MID1: variants seen among roughly 807,000 people sequenced by gnomAD.
The protein encoded by MID1 is midline 1.
Under a neutral mutation model 40.4 loss-of-function variants are expected in MID1, and 7 were observed. That is an observed-to-expected ratio of 0.17 (90% CI 0.10 to 0.33). The LOEUF (loss-of-function observed/expected upper bound fraction) is 0.33, where lower values mean the gene tolerates loss of function less well. Ranked by LOEUF, MID1 falls within the 10% of genes least tolerant of loss-of-function variation. The pLI is 1.00. For synonymous variants in MID1, 229 were observed against 221.2 expected (o/e 1.04, Z -0.31); for missense variants, 367 against 558.5 (o/e 0.66, Z 3.46).
chrX:10,826,206 C>T (rs1267935460), intron 1 of MID1, among the ~76,000 whole-genome samples: 2 of 111,217 alleles, frequency 1.8e-5, no homozygotes, highest in Non-Finnish European at 1.9e-5. Context: ...TGTTTTTACA[C>T]CTAGTCCCTC....
At chrX:10,456,762 G>A (rs181397668) in intron 8 of MID1, among the ~76,000 whole-genome samples, 101 of 111,725 alleles carry the variant, frequency 9.0e-4, no homozygotes, top group African/African-American at 3.1e-3. Context: ...ACTTGAACCC[G>A]GGAGGCGGAG....
At chrX:10,596,361 T>C (rs368442942) in intron 1 of MID1, among the ~76,000 whole-genome samples, 12 of 112,310 alleles carry the variant, frequency 1.1e-4, no homozygotes, top group African/African-American at 3.9e-4. Context: ...TCACCCATTC[T>C]TTCTACTCAG....
At chrX:10,766,727 C>T (rs979352602) in intron 1 of MID1, among the ~76,000 whole-genome samples, 2 of 109,743 alleles carry the variant, frequency 1.8e-5, no homozygotes, top group African/African-American at 6.6e-5. Flanking sequence ...TGAGACCAGC[C>T]TGGGCAACAA....
rs753135757 is a variant in MID1 at position 10,720,762 on chromosome X, G to A, written c.-186-100343C>T. ...ACACATGCACACGTATGTTTATTGC[G>A]GCACTATTCACAATAGCAAAGACTT... On this transcript the variant is annotated intron_variant, in intron 1 of 10. Coordinates refer to the MID1 transcript ENST00000380785. 6.3e-5 allele frequency among the ~76,000 whole-genome samples: 7 copies of A among 110,250 alleles called. No individual in the cohort carries two copies. The East Asian group carries it at 1.1e-3, about 18-fold the overall frequency.
intron 1 of MID1, among the ~76,000 whole-genome samples, chrX:10,595,272 C>A (rs1935390507): frequency 8.9e-6 from 1 of 111,751 alleles, no homozygotes; most frequent in African/African-American, 3.3e-5. Context: ...CAGCACTCTT[C>A]ACAATAGTCA....
chrX:10,453,985 T>G (rs1928500991), intron 9 of MID1, among the ~76,000 whole-genome samples: 1 of 112,444 alleles, frequency 8.9e-6, no homozygotes, highest in South Asian at 3.7e-4. Flanking sequence ...ACTTGTACCA[T>G]ATGAGGGCTT....
chrX:10,771,990 C>T (rs755057061), intron 1 of MID1, among the ~76,000 whole-genome samples: 28 of 110,792 alleles, frequency 2.5e-4, no homozygotes, highest in Non-Finnish European at 4.5e-4. Context: ...AATCCCACTG[C>T]TGGGTATCTA....
chrX:10,762,269 T>C (rs2043684722), intron 1 of MID1, among the ~76,000 whole-genome samples: 1 of 111,948 alleles, frequency 8.9e-6, no homozygotes, highest in Non-Finnish European at 1.9e-5. Flanking sequence ...GTTTTACTTA[T>C]ATAACTCTTC....
At position 10,590,741 on chromosome X, in the gene MID1, G is replaced by C. The variant is rs1167094455; in HGVS notation, c.-56-23138C>G. On this transcript the variant is annotated intron_variant, in intron 1 of 9. Transcript: ENST00000317552. Reference sequence around the variant, plus strand: ...TTGTATTATCAAAGTATGCTTCCTTGTTATCTTTGAGATAAATTATAAATG... The same window carrying C: ...TTGTATTATCAAAGTATGCTTCCTTCTTATCTTTGAGATAAATTATAAATG... 3.6e-5 allele frequency among the ~76,000 whole-genome samples: 4 copies of C among 112,245 alleles called. No homozygotes were observed. In the East Asian group the frequency reaches 8.4e-4, roughly 24 times the overall value.
Position 10,561,815 on chromosome X carries a change from T to A in MID1, c.660+5073A>T, listed in dbSNP as rs1282329672. Among the ~76,000 whole-genome samples, 2 of 107,155 alleles carry A rather than the reference T, an allele frequency of 1.9e-5. 1 individual carries two copies. Among genetic ancestry groups the A allele is most frequent in the Non-Finnish European group, 3.8e-5 (2 of 52,819 alleles). 93.1% of individuals were successfully genotyped at this position (107,155 alleles called of 115,157 possible). On this transcript the variant is annotated intron_variant, in intron 2 of 9. Transcript: ENST00000317552. The stretch of plus-strand genomic sequence containing the variant: ...ACCATTGTGGAAGACAGTGTGGCAA[T>A]TCCTCAAAAATCTAGAACCAGAAAT...
intron 1 of MID1, among the ~76,000 whole-genome samples, chrX:10,688,098 G>T (rs766213158): frequency 2.7e-5 from 3 of 111,380 alleles, no homozygotes; most frequent in Non-Finnish European, 5.7e-5. Context: ...GGCCTTAAGT[G>T]ATCTTCCTAC....
At chrX:10,466,228 T>G (rs917592102) in intron 7 of MID1, among the ~76,000 whole-genome samples, 2 of 112,297 alleles carry the variant, frequency 1.8e-5, no homozygotes, top group Admixed American at 1.9e-4. Context: ...AATTTCATCT[T>G]CTTCAAGTTT....
chrX:10,751,094 G>A (rs772555759), intron 1 of MID1, among the ~76,000 whole-genome samples: 38 of 109,681 alleles, frequency 3.5e-4, no homozygotes, highest in Non-Finnish European at 5.7e-4. Context: ...GCAAAACCCC[G>A]TCTCTACCAA....
At chrX:10,559,491 T>C (rs1934249475) in intron 2 of MID1, among the ~76,000 whole-genome samples, 1 of 112,683 alleles carries the variant, frequency 8.9e-6, no homozygotes, top group Non-Finnish European at 1.9e-5. Flanking sequence ...GGAATTACTG[T>C]GAACAAGTTT....
intron 1 of MID1, among the ~76,000 whole-genome samples, chrX:10,628,860 A>C (rs1936022885): frequency 8.9e-6 from 1 of 112,341 alleles, no homozygotes; most frequent in African/African-American, 3.2e-5. Flanking sequence ...CCAGTTATAC[A>C]TCAGTCCCTT....
At chrX:10,556,824 C>T (rs1294730755) in intron 2 of MID1, among the ~76,000 whole-genome samples, 1 of 112,292 alleles carries the variant, frequency 8.9e-6, no homozygotes, top group Non-Finnish European at 1.9e-5. Context: ...TGGATTTTTA[C>T]AATTGCATTT....
intron 1 of MID1, among the ~76,000 whole-genome samples, chrX:10,652,359 T>G (rs1293084084): frequency 1.8e-5 from 2 of 111,364 alleles, no homozygotes; most frequent in Non-Finnish European, 3.8e-5. Flanking sequence ...TGTTGTTGTT[T>G]TTTCTGTCTC....
chrX:10,585,245 A>G (rs1935113771), intron 1 of MID1, among the ~76,000 whole-genome samples: 1 of 111,108 alleles, frequency 9.0e-6, no homozygotes, highest in Non-Finnish European at 1.9e-5. Context: ...GTATAAAACA[A>G]TATAAAACAA....
At chrX:10,588,939 T>C (rs1007997140) in intron 1 of MID1, among the ~76,000 whole-genome samples, 16 of 111,699 alleles carry the variant, frequency 1.4e-4, no homozygotes, top group African/African-American at 5.2e-4. Flanking sequence ...CCTGGTGTCA[T>C]AGTACTCCAT....
Sources: gnomAD v4.1 joint callset for allele counts (sites outside exome capture counted in the v4.1 genomes callset) on GRCh38, gnomAD v4.1.1 for gene constraint, MANE v1.5 for transcripts, NCBI Gene and HGNC (gene_info 2026-07-23, HGNC 2026-07-21) for gene names.